The following WWOX variants were observed in gnomAD, a reference collection of about 807,000 sequenced individuals.
The protein encoded by WWOX is WW domain containing oxidoreductase.
WWOX carries 69 observed loss-of-function variants against 46.2 expected under a neutral mutation model. The ratio of observed to expected loss-of-function variants is 1.49; its 90% CI spans 1.23 to 1.82. WWOX has a LOEUF of 1.82. Among genes scored for constraint, WWOX ranks in the 40% most tolerant of loss-of-function variants. The pLI is 0.00. For missense variants in WWOX, 919 were observed against 542.6 expected (o/e 1.69, Z -6.89); for synonymous variants, 359 against 202.6 (o/e 1.77, Z -6.56).
chr16:78,627,744 C>CTA (rs748613758), intron 8 of WWOX, among the ~76,000 whole-genome samples: 1 of 152,206 alleles, frequency 6.6e-6, no homozygotes, highest in African/African-American at 2.4e-5. Context: ...TATGTTAACT[C>CTA]TATTTCATTT....
At chr16:78,325,033 C>A (rs2080581695) in intron 5 of WWOX, among the ~76,000 whole-genome samples, 1 of 152,216 alleles carries the variant, frequency 6.6e-6, no homozygotes, top group African/African-American at 2.4e-5. Flanking sequence ...AAACCCATTC[C>A]TCAGATTCCT....
chr16:78,817,836 T>G (rs975754623), intron 8 of WWOX, among the ~76,000 whole-genome samples: 5 of 152,162 alleles, frequency 3.3e-5, no homozygotes, highest in Admixed American at 3.3e-4. Context: ...GTGAAAAGTT[T>G]TCTGATGAGG....
intron 8 of WWOX, among the ~76,000 whole-genome samples, chr16:78,532,998 G>T (rs1266075566): frequency 3.3e-5 from 5 of 152,210 alleles, no homozygotes; most frequent in African/African-American, 1.2e-4. Context: ...GGGCAGGTGA[G>T]TCACAGGCTG....
intron 8 of WWOX, among the ~76,000 whole-genome samples, chr16:78,933,670 A>G (rs753725807): frequency 2.0e-5 from 3 of 152,148 alleles, no homozygotes; most frequent in African/African-American, 2.4e-5. Flanking sequence ...AGGCCTCACA[A>G]TTACGGGGGC....
At chr16:78,867,518 G>A (rs1478914126) in intron 8 of WWOX, among the ~76,000 whole-genome samples, 2 of 150,900 alleles carry the variant, frequency 1.3e-5, no homozygotes, top group African/African-American at 2.5e-5. Flanking sequence ...GTGTATGTGT[G>A]TGTGTTTTGT....
At chr16:79,048,376 A>G (rs2048105270) in intron 8 of WWOX, among the ~76,000 whole-genome samples, 1 of 151,990 alleles carries the variant, frequency 6.6e-6, no homozygotes, top group East Asian at 1.9e-4. Context: ...CCTGTTTACA[A>G]ATTACCCCCA....
chr16:78,869,311 G>C (rs1187376780), intron 8 of WWOX, among the ~76,000 whole-genome samples: 1 of 152,260 alleles, frequency 6.6e-6, no homozygotes, highest in Admixed American at 6.5e-5. Flanking sequence ...CCGAGAGTTG[G>C]TTGTGATTAT....
At chr16:78,362,172 C>T (rs576039106) in intron 5 of WWOX, among the ~76,000 whole-genome samples, 1 of 152,138 alleles carries the variant, frequency 6.6e-6, no homozygotes, top group South Asian at 2.1e-4. Flanking sequence ...TGAAGGTCTG[C>T]TGTTAGGGAC....
chr16:78,532,177 T>C (rs1305259198), intron 8 of WWOX, among the ~76,000 whole-genome samples: 1 of 152,146 alleles, frequency 6.6e-6, no homozygotes, highest in African/African-American at 2.4e-5. Flanking sequence ...TTTCCCTTTC[T>C]GTTATAAAAT....
chr16:78,363,715 C>T (rs369186000), intron 5 of WWOX, among the ~76,000 whole-genome samples: 15 of 152,216 alleles, frequency 9.9e-5, no homozygotes, highest in African/African-American at 2.2e-4. Context: ...TGCCAACCCT[C>T]AACCTGTTAG....
chr16:78,929,491 GA>G (rs1000376020), intron 8 of WWOX, among the ~76,000 whole-genome samples: 12 of 150,634 alleles, frequency 8.0e-5, no homozygotes, highest in East Asian at 3.9e-4. Context: ...CTAAGGAGAG[GA>G]AAAAAAAATA....
chr16:78,415,698 A>T (rs2082782503), intron 6 of WWOX, among the ~76,000 whole-genome samples: 1 of 152,188 alleles, frequency 6.6e-6, no homozygotes, highest in Non-Finnish European at 1.5e-5. Context: ...GAGGGGTTAA[A>T]AAAGGGAAGG....
intron 8 of WWOX, among the ~76,000 whole-genome samples, chr16:79,123,683 T>C (rs1358890420): frequency 7.2e-5 from 11 of 152,094 alleles, no homozygotes; most frequent in Admixed American, 7.2e-4. Flanking sequence ...CCAATTGCAA[T>C]CTGGACCCTT....
intron 8 of WWOX, among the ~76,000 whole-genome samples, chr16:79,167,055 G>T (rs187312897): frequency 2.1e-4 from 32 of 151,896 alleles, no homozygotes; most frequent in Admixed American, 1.6e-3. Context: ...ATTCTCATGC[G>T]TCAGCCTCCT....
chr16:78,479,564 G>T (rs2151444496), intron 8 of WWOX, among the ~76,000 whole-genome samples: 1 of 152,302 alleles, frequency 6.6e-6, no homozygotes, highest in East Asian at 1.9e-4. Flanking sequence ...TATTTTCATA[G>T]TGAAAATGGA....
rs181686030 is a variant in WWOX at position 78,862,607 on chromosome 16, A to T, written c.1057-349001A>T. On this transcript the variant is annotated intron_variant, in intron 8 of 8. Coordinates refer to ENST00000566780, the MANE Select transcript of WWOX (RefSeq NM_016373.4). ...CCCAGGACAACCAATGGTACAGTTC[A>T]TGTCTGAGTCTGAGCAGCTGAGAAG... 4.8e-4 allele frequency among the ~76,000 whole-genome samples: 73 copies of T among 152,222 alleles called. 1 individual carries two copies. Among genetic ancestry groups the T allele is most frequent in the Middle Eastern group, 6.9e-3 (2 of 290 alleles).
chr16:79,115,980 C>G (rs946184468), intron 8 of WWOX, among the ~76,000 whole-genome samples: 1 of 152,184 alleles, frequency 6.6e-6, no homozygotes, highest in Non-Finnish European at 1.5e-5. Flanking sequence ...TAAGGCAAGT[C>G]ACATGAATTT....
intron 8 of WWOX, among the ~76,000 whole-genome samples, chr16:78,492,527 C>T (rs2084808767): frequency 6.6e-6 from 1 of 152,176 alleles, no homozygotes; most frequent in Admixed American, 6.5e-5. Flanking sequence ...AGGACCATAA[C>T]AGCGAGCAGG....
chr16:78,822,839 G>C (rs6564599), intron 8 of WWOX, among the ~76,000 whole-genome samples: 82,250 of 151,568 alleles, frequency 0.54, 22,689 homozygotes, highest in Middle Eastern at 0.64. Context: ...AATTCCTAAA[G>C]AAGAGTCATT....
Sources: gnomAD v4.1 joint callset for allele counts (sites outside exome capture counted in the v4.1 genomes callset) on GRCh38, gnomAD v4.1.1 for gene constraint, MANE v1.5 for transcripts, NCBI Gene and HGNC (gene_info 2026-07-23, HGNC 2026-07-21) for gene names.